RYR2: variants seen among roughly 807,000 people sequenced by gnomAD.
RYR2 encodes cardiac muscle ryanodine receptor-calcium release channel.
RYR2 carries 227 observed loss-of-function variants against 601.1 expected under a neutral mutation model. That is an observed-to-expected ratio of 0.38 (90% CI 0.34 to 0.42). RYR2 has a LOEUF of 0.42. RYR2 is among the 10% of genes least tolerant of loss of function. The probability of loss-of-function intolerance (pLI) is 1.00; values close to 1 mark genes in which losing one functional copy is unlikely to be tolerated. For missense variants in RYR2, 4,646 were observed against 6,156.5 expected, an observed-to-expected ratio of 0.75 and a Z score of 8.21; for synonymous variants, 2,223 against 2,175.1, an observed-to-expected ratio of 1.02 and a Z score of -0.61.
intron 14 of RYR2, among the ~76,000 whole-genome samples, chr1:237,449,569 T>TTG (rs990893860): frequency 5.9e-5 from 9 of 151,852 alleles, no homozygotes; most frequent in East Asian, 1.9e-4. Context: ...AGTGCTCTTT[T>TTG]TGTGTGTGTG....
chr1:237,270,953 T>C (rs1243557472), intron 2 of RYR2, among the ~76,000 whole-genome samples: 1 of 152,150 alleles, frequency 6.6e-6, no homozygotes, highest in Non-Finnish European at 1.5e-5. Context: ...GAACCAATAG[T>C]CTTAGGCTCA....
rs1705775231 is a variant in RYR2, at chr1:237,423,251, G to A, written c.1005+3G>A. 1.2e-6 allele frequency: 2 copies of A among 1,611,228 alleles called. No homozygotes were observed. The highest frequency in any genetic ancestry group is 1.7e-6 in the Non-Finnish European group (2 of 1,179,090). On this transcript the variant is annotated splice_donor_region_variant and intron_variant, in intron 12 of 104. Transcript: ENST00000366574. ...CATTTACCTTCCGGTCTTCCAAGGTGAGACAGAAAATATTTTGGGTTTCCT... is the reference window on the plus strand; with the variant it reads ...CATTTACCTTCCGGTCTTCCAAGGTAAGACAGAAAATATTTTGGGTTTCCT...
At chr1:237,124,264 T>C (rs1395068300) in intron 1 of RYR2, among the ~76,000 whole-genome samples, 2 of 152,212 alleles carry the variant, frequency 1.3e-5, no homozygotes, top group Non-Finnish European at 2.9e-5. Context: ...GAAGGACATG[T>C]AGAGGTCATC....
chr1:237,432,020 A>T (rs1706856473), intron 12 of RYR2, among the ~76,000 whole-genome samples: 1 of 152,094 alleles, frequency 6.6e-6, no homozygotes, highest in Admixed American at 6.6e-5. Context: ...AGCTCCTATC[A>T]TTTTAGAAGC....
At chr1:237,799,363 A>G (rs1319232887) in intron 97 of RYR2, among the ~76,000 whole-genome samples, 1 of 152,158 alleles carries the variant, frequency 6.6e-6, no homozygotes, top group Non-Finnish European at 1.5e-5. Flanking sequence ...AGAATTAAAT[A>G]GTTTTACTGA....
intron 25 of RYR2, among the ~76,000 whole-genome samples, chr1:237,536,367 T>G (rs1158909155): frequency 6.7e-6 from 1 of 148,596 alleles, no homozygotes; most frequent in African/African-American, 2.5e-5. Flanking sequence ...GTCAGGAGAT[T>G]GAGACCATCC....
chr1:237,369,413 CTCTTA>C, intron 5 of RYR2, 116 bp from the exon 6 acceptor site: 4 of 826,870 alleles, frequency 4.8e-6, no homozygotes, highest in Non-Finnish European at 8.2e-6. Context: ...TCTGCAAGAG[CTCTTA>C]ATACATTCTT....
intron 24 of RYR2, among the ~76,000 whole-genome samples, chr1:237,513,269 C>G (rs1176095150): frequency 2.0e-5 from 3 of 152,180 alleles, no homozygotes; most frequent in African/African-American, 4.8e-5. Flanking sequence ...AAGCCAGTAA[C>G]TTTACTCTTG....
At chr1:237,521,992 A>C (rs1392461473) in intron 24 of RYR2, among the ~76,000 whole-genome samples, 2 of 151,938 alleles carry the variant, frequency 1.3e-5, no homozygotes, top group African/African-American at 4.8e-5. Flanking sequence ...TTTTTATTAT[A>C]CTTTAAGTTT....
At chr1:237,623,549 A>G (rs1448298652) in intron 38 of RYR2, among the ~76,000 whole-genome samples, 2 of 150,568 alleles carry the variant, frequency 1.3e-5, no homozygotes, top group South Asian at 2.1e-4. Flanking sequence ...ATGCACCACC[A>G]CACCCAACTA....
chr1:237,589,829 T>C lies in RYR2; in HGVS notation c.3635T>C (p.Val1212Ala). ...IPVCSLGVAQ[V>A]GRMNFGKDVS... ...GTGTGTAGCCTTGGAGTGGCTCAAG[T>C]GGGTAGGATGAACTTTGGAAAGGAT... The change falls in exon 30 of 105, where the codon GTG becomes GCG. Residue 1212 changes from valine (V) to alanine (A), a missense_variant. Physicochemically the swap from Val to Ala is moderately conservative, Grantham distance 64. Transcript: ENST00000366574. 6.2e-7 allele frequency: 1 copy of C among 1,613,878 alleles called. No homozygotes were observed. The highest frequency in any genetic ancestry group is 1.1e-5 in the South Asian group (1 of 91,080).
chr1:237,747,310 T>C (rs542437689), intron 80 of RYR2, among the ~76,000 whole-genome samples: 2 of 152,360 alleles, frequency 1.3e-5, no homozygotes, highest in African/African-American at 4.8e-5. Context: ...TACTATTGAT[T>C]AAAGAGAATT....
chr1:237,819,505 G>A lies in RYR2; in HGVS notation c.14590+313G>A, dbSNP rs574734847. On this transcript the variant is annotated intron_variant, in intron 101 of 104. Coordinates refer to ENST00000366574, the MANE Select transcript of RYR2 (RefSeq NM_001035.3). This position sits in a 1 kb window ranked among gnomAD's most constrained non-coding sequence, Gnocchi z 4.0. ...ACCCCAGCTTTACAATCTTGGGTGGGTGAGCCATTTAACCCTTTAAACTTC... is the reference window on the plus strand; with the variant it reads ...ACCCCAGCTTTACAATCTTGGGTGGATGAGCCATTTAACCCTTTAAACTTC... Among the ~76,000 whole-genome samples, 1 of 152,132 alleles carries A rather than the reference G, an allele frequency of 6.6e-6. No homozygotes were observed. Among genetic ancestry groups the A allele is most frequent in the Non-Finnish European group, 1.5e-5 (1 of 68,024 alleles).
intron 1 of RYR2, among the ~76,000 whole-genome samples, chr1:237,210,965 C>T (rs746523868): frequency 3.9e-5 from 6 of 152,110 alleles, no homozygotes; most frequent in Admixed American, 1.3e-4. Flanking sequence ...TGGAGCTTAG[C>T]GAGTTAGCTG....
At position 237,134,568 on chromosome 1, in the gene RYR2, G is replaced by T. The variant is rs551402220; in HGVS notation, c.48+91999G>T. On this transcript the variant is annotated intron_variant, in intron 1 of 104. Coordinates refer to ENST00000366574, the MANE Select transcript of RYR2 (RefSeq NM_001035.3). The stretch of plus-strand genomic sequence containing the variant: ...CCCCATGATTCAGTTACCTCCCACT[G>T]GGTCCCTCCCACATGTGAGAATTGT... Among the ~76,000 whole-genome samples, 357 of 152,206 alleles carry T rather than the reference G, an allele frequency of 2.3e-3. 3 individuals are homozygous for T. The highest frequency in any genetic ancestry group is 8.3e-3 in the African/African-American group (345 of 41,536).
intron 1 of RYR2, among the ~76,000 whole-genome samples, chr1:237,055,236 G>A (rs1015181039): frequency 6.6e-6 from 1 of 152,166 alleles, no homozygotes; most frequent in East Asian, 1.9e-4. Flanking sequence ...ATCCTGGGGG[G>A]ACTGGGGAGC....
rs73125465 is a variant in RYR2 at position 237,292,991 on chromosome 1, G to C, written c.168+22375G>C. Among the ~76,000 whole-genome samples the C allele has an allele frequency of 8.3e-3, 1,255 of 151,108 alleles. 17 individuals carry two copies. The highest frequency in any genetic ancestry group is 0.028 in the African/African-American group (1,174 of 41,246). On this transcript the variant is annotated intron_variant, in intron 2 of 104. Transcript: ENST00000366574. ...CCAGAGTTCTGATGAAAAAAAAAAA[G>C]TCTTTTTTTTCTCTTCTCCTCTCAG...
intron 10 of RYR2, among the ~76,000 whole-genome samples, chr1:237,408,996 G>T (rs961893633): frequency 6.6e-6 from 1 of 152,034 alleles, no homozygotes; most frequent in Non-Finnish European, 1.5e-5. Context: ...AGAAGAAATT[G>T]ATTTTTGTGT....
chr1:237,681,397 G>T lies in RYR2; in HGVS notation c.9017+820G>T, dbSNP rs573769423. Among the ~76,000 whole-genome samples, 160 of 152,292 alleles carry T rather than the reference G, an allele frequency of 1.1e-3. 1 individual carries two copies. The highest frequency in any genetic ancestry group is 3.6e-3 in the African/African-American group (148 of 41,564). ...TGAGATGAGATTGCATACAGCCTCC[G>T]TGAGAGGGTGGAGAAGTGGAAAGAT... On this transcript the variant is annotated intron_variant, in intron 62 of 104. Transcript: ENST00000366574.
Sources: gnomAD v4.1 joint callset for allele counts (sites outside exome capture counted in the v4.1 genomes callset) on GRCh38, gnomAD v4.1.1 for gene constraint, Gnocchi (gnomAD v3.1) non-coding constraint, MANE v1.5 for transcripts, NCBI Gene and HGNC (gene_info 2026-07-23, HGNC 2026-07-21) for gene names.